Variants in STAT1 observed in about 807,000 individuals in gnomAD.
STAT1 encodes signal transducer and activator of transcription 1.
STAT1 carries 24 observed loss-of-function variants against 111.7 expected under a neutral mutation model. That is an observed-to-expected ratio of 0.21 (90% CI 0.16 to 0.30). The LOEUF is 0.30. Ranked by LOEUF, STAT1 falls within the 10% of genes least tolerant of loss-of-function variation. The pLI is 1.00. For synonymous variants in STAT1, 332 were observed against 326.5 expected (o/e 1.02, Z -0.18); for missense variants, 351 against 911.9 (o/e 0.38, Z 7.92).
rs1345273036 is a variant in STAT1, at chr2:190,975,923, C to T, written c.2060-36G>A. 8 of 1,564,730 alleles carry T rather than the reference C, an allele frequency of 5.1e-6. No individual in the cohort carries two copies. Among genetic ancestry groups the T allele is most frequent in the South Asian group, 3.3e-5 (3 of 89,904 alleles). On this transcript the variant is annotated intron_variant, in intron 22 of 24. Coordinates refer to ENST00000361099, the MANE Select transcript of STAT1 (RefSeq NM_007315.4). This position sits in a 1 kb window ranked among gnomAD's most constrained non-coding sequence, Gnocchi z 5.9. ...ACACATTGTGTACGCTTTCCATCAACCGAAATTCCATCAGAATACAACATC... is the reference window on the plus strand; with the variant it reads ...ACACATTGTGTACGCTTTCCATCAATCGAAATTCCATCAGAATACAACATC...
At chr2:190,988,652 T>C (rs1424980792) in intron 12 of STAT1, among the ~76,000 whole-genome samples, 1 of 152,200 alleles carries the variant, frequency 6.6e-6, no homozygotes, top group Non-Finnish European at 1.5e-5. Context: ...GTGCTGGGAT[T>C]ACAGGTGTGA....
chr2:190,995,297 T>G lies in STAT1; in HGVS notation c.786-78A>C. ...CTGGATTAAAGGGAATCATGGTATA[T>G]TAGTCCATTCTCATGCTGCTAATAA... On this transcript the variant is annotated intron_variant, in intron 9 of 24. Coordinates refer to ENST00000361099, the MANE Select transcript of STAT1 (RefSeq NM_007315.4). The surrounding 1 kb of genome is among the most constrained non-coding windows in gnomAD (Gnocchi z 4.2). 2.1e-6 allele frequency: 3 copies of G among 1,399,312 alleles called. No homozygotes were observed. Among genetic ancestry groups the G allele is most frequent in the Non-Finnish European group, 3.0e-6 (3 of 989,238 alleles). The allele number at this position is 1,399,312 out of a possible 1,614,324, so 86.7% of individuals were successfully genotyped here. A position where few individuals can be genotyped will look rare whatever the true frequency, so the allele number is the denominator to read the frequency against.
rs1692091767 is a variant in STAT1, at chr2:190,978,579, TCA to T, written c.1873+275_1873+276del. 2.1e-6 allele frequency: 1 copy of T among 484,646 alleles called. No individual in the cohort carries two copies. Among genetic ancestry groups the T allele is most frequent in the African/African-American group, 2.0e-5 (1 of 51,236 alleles). The allele number at this position is 484,646 out of a possible 1,614,324, so 30.0% of individuals were successfully genotyped here. On this transcript the variant is annotated intron_variant, in intron 21 of 24. Coordinates refer to ENST00000361099, the MANE Select transcript of STAT1 (RefSeq NM_007315.4). The surrounding 1 kb of genome is among the most constrained non-coding windows in gnomAD (Gnocchi z 6.1). Reference sequence around the variant, plus strand: ...AGAACGGGTTGCAGATTACATTGACTCACATCCTTGATCTGCAGATAACAAAC... The same window carrying T: ...AGAACGGGTTGCAGATTACATTGACTCATCCTTGATCTGCAGATAACAAAC...
chr2:190,979,679 C>T lies in STAT1; in HGVS notation c.1727+93G>A, dbSNP rs56115055. 1.8e-3 allele frequency: 1,814 copies of T among 1,010,340 alleles called. 35 individuals are homozygous for T. The East Asian group carries it at 0.035, about 20-fold the overall frequency. 62.6% of individuals were successfully genotyped at this position (1,010,340 alleles called of 1,614,324 possible). A position where few individuals can be genotyped will look rare whatever the true frequency, so the allele number is the denominator to read the frequency against. On this transcript the variant is annotated intron_variant, in intron 20 of 24. Transcript: ENST00000361099. This position sits in a 1 kb window ranked among gnomAD's most constrained non-coding sequence, Gnocchi z 5.8. ...TGCGCACTCCTGTGAGATTCACACA[C>T]GCCTAGTCAAATACTGAAGCTGGAC...
Position 190,990,913 on chromosome 2 carries a change from G to C in STAT1, c.1037+315C>G, listed in dbSNP as rs1256102857. 1.3e-5 allele frequency among the ~76,000 whole-genome samples: 2 copies of C among 152,156 alleles called. No individual in the cohort carries two copies. The highest frequency in any genetic ancestry group is 1.3e-4 in the Admixed American group (2 of 15,288). On this transcript the variant is annotated intron_variant, in intron 11 of 24. Coordinates refer to ENST00000361099, the MANE Select transcript of STAT1 (RefSeq NM_007315.4). The surrounding 1 kb of genome is among the most constrained non-coding windows in gnomAD (Gnocchi z 5.1). ...AGGTTATGAGCCTATGCCCAAGAGGGGTGAGGCAGCCAGGAACTTTTACTC... is the reference window on the plus strand; with the variant it reads ...AGGTTATGAGCCTATGCCCAAGAGGCGTGAGGCAGCCAGGAACTTTTACTC...
chr2:191,001,818 T>C (rs1273824951), intron 5 of STAT1, among the ~76,000 whole-genome samples: 2 of 152,190 alleles, frequency 1.3e-5, no homozygotes. Context: ...AGATGTACCC[T>C]GCACATACTA....
Position 191,003,693 on chromosome 2 carries a change from G to C in STAT1, c.373-2530C>G, listed in dbSNP as rs1694455488. ...AGCAGATGCCAGCACCATGCTTCCT[G>C]TAACAGCCTGCAGAACCATAAGTCA... On this transcript the variant is annotated intron_variant, in intron 5 of 24. Transcript: ENST00000361099. This position sits in a 1 kb window ranked among gnomAD's most constrained non-coding sequence, Gnocchi z 4.0. Among the ~76,000 whole-genome samples the C allele has an allele frequency of 7.8e-6, 1 of 128,864 alleles. No individual in the cohort carries two copies. Among genetic ancestry groups the C allele is most frequent in the Non-Finnish European group, 1.7e-5 (1 of 60,490 alleles). 84.5% of individuals were successfully genotyped at this position (128,864 alleles called of 152,430 possible).
At chr2:191,009,764 T>C in intron 3 of STAT1, 112 bp downstream of exon 3, 2 of 1,412,590 alleles carry the variant, frequency 1.4e-6, no homozygotes, top group Non-Finnish European at 2.0e-6. Flanking sequence ...AACAAATAAT[T>C]CCAGTGGCCA....
chr2:190,977,128 A>G lies in STAT1; in HGVS notation c.1874-103T>C. ...GTTGATGGATTTGAGTGAACCTCAT[A>G]AGAACTAATCACAATCTAAGCATTA... On this transcript the variant is annotated intron_variant, in intron 21 of 24. Transcript: ENST00000361099. The surrounding 1 kb of genome is among the most constrained non-coding windows in gnomAD (Gnocchi z 4.7). 1 of 1,099,614 alleles carries G rather than the reference A, an allele frequency of 9.1e-7. No individual in the cohort carries two copies. Among genetic ancestry groups the G allele is most frequent in the Admixed American group, 1.8e-5 (1 of 56,768 alleles). The allele number at this position is 1,099,614 out of a possible 1,614,324, so 68.1% of individuals were successfully genotyped here. A position where few individuals can be genotyped will look rare whatever the true frequency, so the allele number is the denominator to read the frequency against.
rs1374270704 is a variant in STAT1, at chr2:190,980,429, T to G, written c.1632+191A>C. On this transcript the variant is annotated intron_variant, in intron 19 of 24. Transcript: ENST00000361099. The surrounding 1 kb of genome is among the most constrained non-coding windows in gnomAD (Gnocchi z 6.1). ...TGTTATCACTCAGGCAGGTGCTTCC[T>G]GTCAGACTCCTGCTCGGAGACCAAC... is the stretch of plus-strand genomic sequence containing the variant. 6.6e-6 allele frequency among the ~76,000 whole-genome samples: 1 copy of G among 152,254 alleles called. No individual in the cohort carries two copies. The highest frequency in any genetic ancestry group is 1.9e-4 in the East Asian group (1 of 5,198).
Position 191,000,208 on chromosome 2 carries a change from T to C in STAT1, c.463-504A>G, listed in dbSNP as rs1256171431. Among the ~76,000 whole-genome samples the C allele has an allele frequency of 6.6e-6, 1 of 152,258 alleles. No individual in the cohort carries two copies. Among genetic ancestry groups the C allele is most frequent in the Admixed American group, 6.5e-5 (1 of 15,286 alleles). On this transcript the variant is annotated intron_variant, in intron 6 of 24. Transcript: ENST00000361099. This position sits in a 1 kb window ranked among gnomAD's most constrained non-coding sequence, Gnocchi z 4.8. ...ATCTCCATCTGGACAATAAATTGTA[T>C]GTTCATTCTACAAATAAGCCTCATT...
In STAT1 at chr2:190,996,752, C is replaced by G. The variant is rs1479312095; in HGVS notation, c.785+1104G>C. ...AAAAACTGGCAATATAGAAAATAAC[C>G]TCGTGAGATCTCTGGTCCTTGGACC... On this transcript the variant is annotated intron_variant, in intron 9 of 24. Transcript: ENST00000361099. This position sits in a 1 kb window ranked among gnomAD's most constrained non-coding sequence, Gnocchi z 4.5. Among the ~76,000 whole-genome samples, 1 of 152,112 alleles carries G rather than the reference C, an allele frequency of 6.6e-6. No individual in the cohort carries two copies.
chr2:190,980,270 G>A lies in STAT1; in HGVS notation c.1632+350C>T, dbSNP rs898610973. 6.6e-6 allele frequency among the ~76,000 whole-genome samples: 1 copy of A among 152,246 alleles called. No individual in the cohort carries two copies. The highest frequency in any genetic ancestry group is 1.5e-5 in the Non-Finnish European group (1 of 68,028). ...GCAGTGGGCCCCTCTGCTCGAGCAG[G>A]CCGTTAAACTCGTCTGGCTGGTCAG... On this transcript the variant is annotated intron_variant, in intron 19 of 24. Coordinates refer to ENST00000361099, the MANE Select transcript of STAT1 (RefSeq NM_007315.4). This position sits in a 1 kb window ranked among gnomAD's most constrained non-coding sequence, Gnocchi z 6.1.
intron 2 of STAT1, among the ~76,000 whole-genome samples, chr2:191,011,401 C>T (rs988056502): frequency 2.0e-5 from 3 of 152,162 alleles, no homozygotes; most frequent in African/African-American, 7.2e-5. Flanking sequence ...GTAACTTACT[C>T]CCCTATCAAC....
In STAT1 at chr2:191,000,739, C is replaced by T. The variant is rs1694205762; in HGVS notation, c.462+335G>A. ...AGGATGGGCCATGTTTATCCTGGGG[C>T]ACTGTGATTTGAGAGGTGTGGACAT... On this transcript the variant is annotated intron_variant, in intron 6 of 24. Coordinates refer to ENST00000361099, the MANE Select transcript of STAT1 (RefSeq NM_007315.4). The surrounding 1 kb of genome is among the most constrained non-coding windows in gnomAD (Gnocchi z 4.8). Among the ~76,000 whole-genome samples, 1 of 152,110 alleles carries T rather than the reference C, an allele frequency of 6.6e-6. No homozygotes were observed. The highest frequency in any genetic ancestry group is 1.5e-5 in the Non-Finnish European group (1 of 68,026).
At chr2:190,992,451 T>C (rs1693442760) in intron 10 of STAT1, among the ~76,000 whole-genome samples, 1 of 152,072 alleles carries the variant, frequency 6.6e-6, no homozygotes, top group South Asian at 2.1e-4. Flanking sequence ...GAAAATGAAG[T>C]TAGCTGTCTT....
chr2:191,010,020 A>G lies in STAT1; in HGVS notation c.-1-16T>C, dbSNP rs779311563. 3 of 1,613,684 alleles carry G rather than the reference A, an allele frequency of 1.9e-6. No homozygotes were observed. The Admixed American group carries it at 5.0e-5, about 27-fold the overall frequency. On this transcript the variant is annotated splice_polypyrimidine_tract_variant and intron_variant, in intron 2 of 24. Transcript: ENST00000361099. ...CTGAGACATCCTATAGGGAAAAAGA[A>G]TATACATTCTTTCTATGTATATGGA...
In STAT1 at chr2:191,012,031, G is replaced by A. The variant is rs1333504594; in HGVS notation, c.-2+1494C>T. ...CTCCCAAAGTGCTGGGATTACAGGC[G>A]TGAGCTTCCGCACCCTGCCACAGTT... On this transcript the variant is annotated intron_variant, in intron 2 of 24. Transcript: ENST00000361099. This position sits in a 1 kb window ranked among gnomAD's most constrained non-coding sequence, Gnocchi z 4.0. Among the ~76,000 whole-genome samples the A allele has an allele frequency of 6.6e-6, 1 of 151,888 alleles. No homozygotes were observed. Among genetic ancestry groups the A allele is most frequent in the East Asian group, 2.0e-4 (1 of 5,110 alleles).
chr2:190,995,094 C>A lies in STAT1; in HGVS notation c.911G>T (p.Arg304Leu). Residue 304 changes from arginine (R) to leucine (L), a missense_variant, in exon 10 of 25, where the codon CGC (arginine) becomes CTC (leucine). Arg to Leu is a moderately radical substitution (Grantham distance 102, BLOSUM62 -2). Transcript: ENST00000361099. This position sits in a 1 kb window ranked among gnomAD's most constrained non-coding sequence, Gnocchi z 4.2. ...ITKNKQVLWD[R>L]TFSLFQQLIQ... Reference sequence around the variant, plus strand: ...GAGCTGCTGGAAAAGACTGAAGGTGCGGTCCCATAACACTTGTTTGTTTTT... The same window carrying A: ...GAGCTGCTGGAAAAGACTGAAGGTGAGGTCCCATAACACTTGTTTGTTTTT... 1.2e-6 allele frequency: 2 copies of A among 1,613,760 alleles called. No homozygotes were observed. Among genetic ancestry groups the A allele is most frequent in the Non-Finnish European group, 1.7e-6 (2 of 1,179,898 alleles).
Sources: gnomAD v4.1 joint callset for allele counts (sites outside exome capture counted in the v4.1 genomes callset) on GRCh38, gnomAD v4.1.1 for gene constraint, Gnocchi (gnomAD v3.1) non-coding constraint, MANE v1.5 for transcripts, NCBI Gene and HGNC (gene_info 2026-07-23, HGNC 2026-07-21) for gene names.